Variants in EYS observed in about 807,000 individuals in gnomAD.
EYS encodes the protein protein eyes shut homolog.
EYS carries 250 observed loss-of-function variants against 282.1 expected under a neutral mutation model. The ratio of observed to expected loss-of-function variants is 0.89; its 90% CI spans 0.80 to 0.98. EYS has a LOEUF of 0.98. Among genes scored for constraint, EYS ranks in the 50% least tolerant of loss-of-function variants. EYS has a pLI of 0.00. For synonymous variants in EYS, 1,355 were observed against 1,282.9 expected (o/e 1.06, Z -1.20); for missense variants, 4,016 against 3,709.0 (o/e 1.08, Z -2.15).
At chr6:64,531,833 T>TGTAA (rs1317478462) in intron 26 of EYS, among the ~76,000 whole-genome samples, 33 of 152,080 alleles carry the variant, frequency 2.2e-4, no homozygotes, top group Non-Finnish European at 3.8e-4. Flanking sequence ...CTTGCTATGG[T>TGTAA]GTAAGTCTAC....
chr6:65,662,680 T>G (rs949399639), intron 1 of EYS, among the ~76,000 whole-genome samples: 3 of 152,164 alleles, frequency 2.0e-5, no homozygotes, highest in Admixed American at 1.3e-4. Context: ...GAAGGCAGCA[T>G]GTCAAGAACC....
intron 31 of EYS, among the ~76,000 whole-genome samples, chr6:64,197,252 G>A (rs1049903549): frequency 2.0e-5 from 3 of 152,124 alleles, no homozygotes; most frequent in Admixed American, 6.5e-5. Context: ...TGAGAGAGGC[G>A]ATTTTCTTAG....
intron 1 of EYS, among the ~76,000 whole-genome samples, chr6:65,670,911 T>C (rs1333151938): frequency 6.6e-6 from 1 of 151,978 alleles, no homozygotes; most frequent in African/African-American, 2.4e-5. Flanking sequence ...ATGGCACCTA[T>C]ATTTCTTTTC....
intron 15 of EYS, among the ~76,000 whole-genome samples, chr6:64,935,464 T>C (rs1399110456): frequency 6.6e-6 from 1 of 151,614 alleles, no homozygotes; most frequent in Non-Finnish European, 1.5e-5. Flanking sequence ...GAGAACATAA[T>C]GAAAATTAAA....
intron 30 of EYS, among the ~76,000 whole-genome samples, chr6:64,268,332 G>A (rs1767827112): frequency 6.6e-6 from 1 of 152,080 alleles, no homozygotes; most frequent in Non-Finnish European, 1.5e-5. Context: ...TATATGAATA[G>A]ACAACATTAG....
chr6:65,573,627 C>A (rs980239399), intron 2 of EYS, among the ~76,000 whole-genome samples: 1 of 152,170 alleles, frequency 6.6e-6, no homozygotes, highest in Admixed American at 6.6e-5. Context: ...CATGTTTCAG[C>A]TCCAGGCTCT....
chr6:65,120,603 A>C (rs1351251675), intron 12 of EYS, among the ~76,000 whole-genome samples: 1 of 152,158 alleles, frequency 6.6e-6, no homozygotes. Context: ...TAAGATTGGA[A>C]TAGACAAGAT....
intron 33 of EYS, among the ~76,000 whole-genome samples, chr6:64,044,905 A>T (rs1001597835): frequency 6.6e-6 from 1 of 152,220 alleles, no homozygotes; most frequent in African/African-American, 2.4e-5. Context: ...CCTGAAAAAT[A>T]TGAAATGCAG....
chr6:63,806,502 T>C, intron 36 of EYS, 130 bp from the exon 37 acceptor site: 1 of 735,784 alleles, frequency 1.4e-6, no homozygotes, highest in Non-Finnish European at 2.1e-6. Flanking sequence ...TTTAGTGCCC[T>C]TCAGCATTGA....
intron 35 of EYS, among the ~76,000 whole-genome samples, chr6:63,948,512 A>G (rs910761035): frequency 6.6e-6 from 1 of 152,190 alleles, no homozygotes; most frequent in Non-Finnish European, 1.5e-5. Flanking sequence ...TATCTCCCCA[A>G]CAAGATGCTG....
At chr6:64,161,649 T>C (rs565396182) in intron 31 of EYS, among the ~76,000 whole-genome samples, 1 of 152,316 alleles carries the variant, frequency 6.6e-6, no homozygotes, top group South Asian at 2.1e-4. Context: ...AAAGTGAATA[T>C]TTTTCATGCT....
intron 13 of EYS, among the ~76,000 whole-genome samples, chr6:65,000,663 A>G (rs2150127323): frequency 6.6e-6 from 1 of 152,320 alleles, no homozygotes; most frequent in South Asian, 2.1e-4. Flanking sequence ...CTGTAGTCCC[A>G]GCTACTTGGG....
At chr6:64,314,749 G>A (rs184920519) in intron 29 of EYS, among the ~76,000 whole-genome samples, 1 of 151,948 alleles carries the variant, frequency 6.6e-6, no homozygotes, top group African/African-American at 2.4e-5. Context: ...AGACACAACA[G>A]AATCTCTGGG....
intron 13 of EYS, among the ~76,000 whole-genome samples, chr6:65,014,009 G>A (rs1771964983): frequency 6.6e-6 from 1 of 152,210 alleles, no homozygotes; most frequent in East Asian, 1.9e-4. Flanking sequence ...ATTATCTTGA[G>A]TGGGTCTGAC....
chr6:64,881,293 A>G (rs9363292), intron 19 of EYS, among the ~76,000 whole-genome samples: 23,547 of 151,738 alleles, frequency 0.16, 2,153 homozygotes, highest in East Asian at 0.49. Context: ...TACACATGAG[A>G]ACAAGTTATT....
At chr6:65,619,240 T>C (rs1436405644) in intron 2 of EYS, among the ~76,000 whole-genome samples, 1 of 151,542 alleles carries the variant, frequency 6.6e-6, no homozygotes, top group Non-Finnish European at 1.5e-5. Flanking sequence ...GAGCAGTGGT[T>C]TGTAGTTCTC....
chr6:63,917,805 T>C (rs1764463665), intron 35 of EYS, among the ~76,000 whole-genome samples: 1 of 152,172 alleles, frequency 6.6e-6, no homozygotes, highest in Non-Finnish European at 1.5e-5. Flanking sequence ...TAGGCATCAC[T>C]CCGATTTACT....
At chr6:64,070,271 A>G (rs1433437844) in intron 32 of EYS, among the ~76,000 whole-genome samples, 1 of 152,066 alleles carries the variant, frequency 6.6e-6, no homozygotes, top group East Asian at 1.9e-4. Context: ...ATAATTTTAT[A>G]ACATCACTAA....
intron 5 of EYS, among the ~76,000 whole-genome samples, chr6:65,486,789 A>T (rs1765799183): frequency 6.6e-6 from 1 of 152,230 alleles, no homozygotes; most frequent in Non-Finnish European, 1.5e-5. Context: ...GAAATCATTT[A>T]CTTCATGAAT....
Sources: gnomAD v4.1 joint callset for allele counts (sites outside exome capture counted in the v4.1 genomes callset) on GRCh38, gnomAD v4.1.1 for gene constraint, MANE v1.5 for transcripts, NCBI Gene and HGNC (gene_info 2026-07-23, HGNC 2026-07-21) for gene names.